NRF1: variants seen among roughly 807,000 people sequenced by gnomAD.
The protein encoded by NRF1 is nuclear respiratory factor 1.
Under a neutral mutation model 58.5 loss-of-function variants are expected in NRF1, and 5 were observed. The observed-to-expected ratio is 0.09, with a 90% CI of 0.04 to 0.18. The LOEUF is 0.18. Ranked by LOEUF, NRF1 falls within the 10% of genes least tolerant of loss-of-function variation. The probability of loss-of-function intolerance (pLI) is 1.00; values close to 1 mark genes in which losing one functional copy is unlikely to be tolerated. For missense variants in NRF1, 288 were observed against 657.7 expected, an observed-to-expected ratio of 0.44 and a Z score of 6.15; for synonymous variants, 224 against 246.7, an observed-to-expected ratio of 0.91 and a Z score of 0.86.
At chr7:129,671,281 G>T in intron 2 of NRF1, 148 bp from the exon 3 acceptor site, 1 of 539,318 alleles carries the variant, frequency 1.9e-6, no homozygotes. Context: ...AAACAATAGT[G>T]AAGTATATTG....
chr7:129,651,655 C>G (rs1296528768), intron 1 of NRF1, among the ~76,000 whole-genome samples: 1 of 152,156 alleles, frequency 6.6e-6, no homozygotes, highest in Non-Finnish European at 1.5e-5. Flanking sequence ...AAAAATAATT[C>G]TGAAGTACCC....
chr7:129,618,740 A>C (rs1040585143), intron 1 of NRF1, among the ~76,000 whole-genome samples: 1 of 152,096 alleles, frequency 6.6e-6, no homozygotes, highest in African/African-American at 2.4e-5. Context: ...CCTTTATCCA[A>C]AATGCTTAGG....
chr7:129,738,267 G>A (rs570458116), intron 10 of NRF1, among the ~76,000 whole-genome samples: 2 of 152,360 alleles, frequency 1.3e-5, no homozygotes, highest in African/African-American at 4.8e-5. Context: ...GTAATATAAG[G>A]AGAGCTGTGA....
At chr7:129,613,080 G>T (rs568973376) in intron 1 of NRF1, among the ~76,000 whole-genome samples, 3 of 152,206 alleles carry the variant, frequency 2.0e-5, no homozygotes, top group Non-Finnish European at 4.4e-5. Context: ...CAGAGACTGC[G>T]TATTGAGAGA....
rs543159143 is a variant in NRF1, at chr7:129,677,521, C to T, written c.339-111C>T. 4.9e-4 allele frequency: 457 copies of T among 940,028 alleles called. 3 individuals are homozygous for T. Among genetic ancestry groups the T allele is most frequent in the South Asian group, 4.2e-3 (256 of 61,532 alleles). The allele number at this position is 940,028 out of a possible 1,614,324, so 58.2% of individuals were successfully genotyped here. On this transcript the variant is annotated intron_variant, in intron 3 of 10. Transcript: ENST00000393232. Reference sequence around the variant, plus strand: ...CTCACATTCCCCTTTTCACATTTTACGTAAAAGAGCATATCTGATCAGAAT... The same window carrying T: ...CTCACATTCCCCTTTTCACATTTTATGTAAAAGAGCATATCTGATCAGAAT...
chr7:129,644,123 T>C (rs1323066767), intron 1 of NRF1, among the ~76,000 whole-genome samples: 1 of 152,230 alleles, frequency 6.6e-6, no homozygotes, highest in East Asian at 1.9e-4. Context: ...TTAGCAAATA[T>C]CACTAGAATA....
rs539775110 is a variant in NRF1 at position 129,742,846 on chromosome 7, A to G, written c.1349-12172A>G. Among the ~76,000 whole-genome samples the G allele has an allele frequency of 1.5e-4, 23 of 152,266 alleles. No homozygotes were observed. The South Asian group carries it at 4.8e-3, about 32-fold the overall frequency. On this transcript the variant is annotated intron_variant, in intron 10 of 10. Coordinates refer to ENST00000393232, the MANE Select transcript of NRF1 (RefSeq NM_005011.5). ...CTTAATTAAAACAGAATAAAATTTA[A>G]AAATCAGTTCCTCAGTCACGCTGGC...
intron 10 of NRF1, among the ~76,000 whole-genome samples, chr7:129,733,607 G>A (rs544122032): frequency 1.3e-5 from 2 of 152,324 alleles, no homozygotes; most frequent in African/African-American, 4.8e-5. Context: ...CAGGTTCAGG[G>A]TTATAGGGAG....
chr7:129,619,427 T>TACACACACAC (rs1295058351), intron 1 of NRF1, among the ~76,000 whole-genome samples: 32 of 81,076 alleles, frequency 3.9e-4, no homozygotes, highest in Non-Finnish European at 6.0e-4. Flanking sequence ...TATATATATA[T>TACACACACAC]ATATATACAC....
At chr7:129,620,599 G>A (rs556545486) in intron 1 of NRF1, among the ~76,000 whole-genome samples, 2 of 152,194 alleles carry the variant, frequency 1.3e-5, no homozygotes, top group East Asian at 3.9e-4. Flanking sequence ...TATTGGACAG[G>A]CTGGTCTTGA....
At position 129,711,483 on chromosome 7, in the gene NRF1, G is replaced by A. The variant is rs146079330; in HGVS notation, c.972G>A (p.Thr324=). ...TCCATATTTTTCTTTAGGTTGGTACGGGGGCAACAGTAGCCACATTGGCTG... is the reference window on the plus strand; with the variant it reads ...TCCATATTTTTCTTTAGGTTGGTACAGGGGCAACAGTAGCCACATTGGCTG... The part of the protein sequence containing the change: ...DGTVSLIQVG[T]GATVATLADA... Residue 324 remains threonine, a synonymous_variant, in exon 8 of 11, where the codon ACG becomes ACA. Coordinates refer to ENST00000393232, the MANE Select transcript of NRF1 (RefSeq NM_005011.5). 9.9e-6 allele frequency: 16 copies of A among 1,610,544 alleles called. No homozygotes were observed. The highest frequency in any genetic ancestry group is 3.3e-5 in the South Asian group (3 of 90,112).
chr7:129,694,938 A>G (rs1045319525), intron 5 of NRF1, among the ~76,000 whole-genome samples: 1 of 152,188 alleles, frequency 6.6e-6, no homozygotes, highest in Non-Finnish European at 1.5e-5. Context: ...ATTGGGAACA[A>G]TGTGATTGGT....
intron 3 of NRF1, 28 bp from the exon 4 acceptor site, chr7:129,677,604 T>C (rs888733506): frequency 6.2e-7 from 1 of 1,612,024 alleles, no homozygotes; most frequent in Non-Finnish European, 8.5e-7. Flanking sequence ...TTTAAAACTT[T>C]TTATTCTTGT....
chr7:129,639,361 T>C (rs1298629535), intron 1 of NRF1, among the ~76,000 whole-genome samples: 4 of 152,172 alleles, frequency 2.6e-5, no homozygotes, highest in Non-Finnish European at 5.9e-5. Flanking sequence ...ATTGGCGTGG[T>C]TCCAGTTTTA....
chr7:129,618,443 C>T (rs13244638), intron 1 of NRF1, among the ~76,000 whole-genome samples: 119 of 152,174 alleles, frequency 7.8e-4, no homozygotes, highest in African/African-American at 2.7e-3. Flanking sequence ...CACCTGTAAT[C>T]CTAACACTTT....
intron 10 of NRF1, among the ~76,000 whole-genome samples, chr7:129,750,483 C>G (rs1467393467): frequency 1.5e-5 from 2 of 135,476 alleles, no homozygotes; most frequent in East Asian, 2.3e-4. Context: ...GTGAGAGAGA[C>G]AGAGGTCTTA....
chr7:129,621,278 T>C (rs1418140967), intron 1 of NRF1, among the ~76,000 whole-genome samples: 1 of 152,168 alleles, frequency 6.6e-6, no homozygotes, highest in Non-Finnish European at 1.5e-5. Context: ...TAATTTGTGA[T>C]TTTTCTGGGG....
chr7:129,649,311 C>T (rs999312427), intron 1 of NRF1, among the ~76,000 whole-genome samples: 1 of 152,166 alleles, frequency 6.6e-6, no homozygotes, highest in East Asian at 1.9e-4. Flanking sequence ...AGGTTCCCCC[C>T]ACCCCACCCC....
At chr7:129,625,180 CATT>C (rs1243220384) in intron 1 of NRF1, among the ~76,000 whole-genome samples, 1 of 152,156 alleles carries the variant, frequency 6.6e-6, no homozygotes, top group Non-Finnish European at 1.5e-5. Context: ...TCCATGGTCT[CATT>C]GTCTCCTCTC....
Sources: allele counts gnomAD v4.1 joint callset (sites outside exome capture counted in the v4.1 genomes callset), GRCh38; gene constraint gnomAD v4.1.1; transcripts MANE v1.5; gene names NCBI Gene and HGNC (gene_info 2026-07-23, HGNC 2026-07-21).